MAP3K3: variants seen among roughly 807,000 people sequenced by gnomAD.
The protein encoded by MAP3K3 is MAP/ERK kinase kinase 3.
A neutral mutation model predicts 80.9 loss-of-function variants in MAP3K3; 12 were observed. The observed-to-expected ratio is 0.15, with a 90% confidence interval of 0.10 to 0.24. The LOEUF is 0.24. Ranked by LOEUF, MAP3K3 falls within the 10% of genes least tolerant of loss-of-function variation. The probability of loss-of-function intolerance (pLI) is 1.00; values close to 1 mark genes in which losing one functional copy is unlikely to be tolerated. For missense variants in MAP3K3, 596 were observed against 834.7 expected (o/e 0.71, Z 3.52); for synonymous variants, 272 against 307.1 (o/e 0.89, Z 1.19).
At chr17:63,657,169 G>T (rs962270239) in intron 4 of MAP3K3, among the ~76,000 whole-genome samples, 8 of 151,892 alleles carry the variant, frequency 5.3e-5, no homozygotes, top group Non-Finnish European at 1.2e-4. Flanking sequence ...AGCACAATTG[G>T]CAGTAGAGTG....
At chr17:63,634,555 G>A (rs1598063269) in intron 2 of MAP3K3, among the ~76,000 whole-genome samples, 1 of 152,160 alleles carries the variant, frequency 6.6e-6, no homozygotes, top group Admixed American at 6.5e-5. Flanking sequence ...GAAGTCAGTG[G>A]TTATGAAGGC....
In MAP3K3 at chr17:63,653,969, C is replaced by G. The variant is rs541094873; in HGVS notation, c.267+1313C>G. On this transcript the variant is annotated intron_variant, in intron 4 of 15. Coordinates refer to ENST00000361733, the MANE Select transcript of MAP3K3 (RefSeq NM_002401.5). The stretch of plus-strand genomic sequence containing the variant: ...GCAGCCTTGACCTCCTGCGCTCAAG[C>G]GATTCCCCCACCTCAGCCACCCAAG... Among the ~76,000 whole-genome samples, 4 of 152,250 alleles carry G rather than the reference C, an allele frequency of 2.6e-5. No homozygotes were observed. The South Asian group carries it at 8.3e-4, about 32-fold the overall frequency.
At chr17:63,684,210 AAAG>A (rs1229041208) in intron 7 of MAP3K3, among the ~76,000 whole-genome samples, 1 of 152,110 alleles carries the variant, frequency 6.6e-6, no homozygotes, top group African/African-American at 2.4e-5. Context: ...TTCTAACCAT[AAAG>A]AACGTCATTT....
chr17:63,635,798 A>G (rs1202875855), intron 2 of MAP3K3, among the ~76,000 whole-genome samples: 4 of 152,222 alleles, frequency 2.6e-5, no homozygotes, highest in Non-Finnish European at 4.4e-5. Flanking sequence ...CTTCTGCCAG[A>G]AAGTCCATGC....
At chr17:63,642,233 C>T (rs2034457279) in intron 2 of MAP3K3, among the ~76,000 whole-genome samples, 1 of 152,124 alleles carries the variant, frequency 6.6e-6, no homozygotes, top group South Asian at 2.1e-4. Context: ...TGGTTTGGAA[C>T]AAAAGTTTAA....
In MAP3K3 at chr17:63,691,077, AGGC is replaced by A; in HGVS notation, c.1213-23_1213-21del. Reference sequence around the variant, plus strand: ...GGCAGAACTAGGGCCCTGAGAGCTGAGGCGACCACTGACCCCTCCCCTAGGAGG... The same window carrying A: ...GGCAGAACTAGGGCCCTGAGAGCTGAGACCACTGACCCCTCCCCTAGGAGG... On this transcript the variant is annotated intron_variant, in intron 12 of 15. Coordinates refer to ENST00000361733, the MANE Select transcript of MAP3K3 (RefSeq NM_002401.5). The surrounding 1 kb of genome is among the most constrained non-coding windows in gnomAD (Gnocchi z 4.8). The A allele has an allele frequency of 1.9e-6, 3 of 1,613,380 alleles. No homozygotes were observed. Among genetic ancestry groups the A allele is most frequent in the Non-Finnish European group, 2.5e-6 (3 of 1,179,830 alleles).
At chr17:63,668,448 C>T (rs2035041113) in intron 6 of MAP3K3, 1 of 152,258 alleles carries the variant, frequency 6.6e-6, no homozygotes, top group African/African-American at 2.4e-5. Context: ...AGCCTAGCCA[C>T]AGCGTCTCTG....
chr17:63,623,078 G>T (rs1474621215), intron 1 of MAP3K3, among the ~76,000 whole-genome samples: 1 of 151,924 alleles, frequency 6.6e-6, no homozygotes, highest in East Asian at 1.9e-4. Flanking sequence ...TGGTCCGAAC[G>T]AGCCGGACCG....
At chr17:63,654,300 G>A (rs1368297449) in intron 4 of MAP3K3, among the ~76,000 whole-genome samples, 6 of 92,628 alleles carry the variant, frequency 6.5e-5, no homozygotes, top group Non-Finnish European at 1.2e-4. Context: ...TGAACATTTC[G>A]TGTAGTGCAA....
intron 2 of MAP3K3, among the ~76,000 whole-genome samples, chr17:63,640,410 T>C (rs1361995226): frequency 2.0e-5 from 3 of 152,174 alleles, no homozygotes; most frequent in Non-Finnish European, 4.4e-5. Flanking sequence ...GTGTGAGGTA[T>C]GTGTATGTGT....
intron 8 of MAP3K3, chr17:63,688,133 C>A: frequency 3.7e-6 from 1 of 269,204 alleles, no homozygotes; most frequent in South Asian, 4.3e-5. Context: ...TGAGAAAAAC[C>A]TCACTTTAGA....
chr17:63,655,783 G>T (rs1248839076), intron 4 of MAP3K3, among the ~76,000 whole-genome samples: 1 of 151,994 alleles, frequency 6.6e-6, no homozygotes, highest in Admixed American at 6.6e-5. Context: ...ACTATCCCCA[G>T]CCTACTTGGT....
intron 5 of MAP3K3, among the ~76,000 whole-genome samples, 179 bp from the exon 6 acceptor site, chr17:63,666,761 G>A (rs547683975): frequency 5.1e-4 from 78 of 152,320 alleles, no homozygotes; most frequent in Middle Eastern, 6.8e-3. Flanking sequence ...TACATTGAGC[G>A]AATAGTGGTT....
At chr17:63,690,527 A>ACCGAG in intron 12 of MAP3K3, 115 bp downstream of exon 12, 1 of 1,170,976 alleles carries the variant, frequency 8.5e-7, no homozygotes, top group Non-Finnish European at 1.2e-6. Flanking sequence ...CATTCTTCCC[A>ACCGAG]AACTCCCTTT....
chr17:63,633,487 TATTA>T (rs1441036823), intron 2 of MAP3K3, among the ~76,000 whole-genome samples: 2 of 152,216 alleles, frequency 1.3e-5, no homozygotes, highest in Non-Finnish European at 1.5e-5. Flanking sequence ...AAGGTAAATT[TATTA>T]ATTAAAATGT....
intron 4 of MAP3K3, among the ~76,000 whole-genome samples, chr17:63,657,125 C>T (rs1189089698): frequency 6.6e-6 from 1 of 152,032 alleles, no homozygotes; most frequent in Non-Finnish European, 1.5e-5. Context: ...CCCTCCACCC[C>T]TTCTCTTCCT....
chr17:63,664,312 T>A (rs1408901645), intron 5 of MAP3K3, among the ~76,000 whole-genome samples: 1 of 151,034 alleles, frequency 6.6e-6, no homozygotes, highest in Non-Finnish European at 1.5e-5. Context: ...GTAAATTTAA[T>A]TAAATCACCT....
chr17:63,688,304 TG>T, intron 8 of MAP3K3: 1 of 581,782 alleles, frequency 1.7e-6, no homozygotes, highest in African/African-American at 1.9e-5. Flanking sequence ...TTGGGTCAGA[TG>T]GGGGAGATTT....
intron 12 of MAP3K3, 35 bp downstream of exon 12, chr17:63,690,447 C>G (rs960120271): frequency 1.0e-5 from 16 of 1,600,848 alleles, no homozygotes; most frequent in Non-Finnish European, 1.4e-5. Context: ...TCAGTTCCCT[C>G]CTTTCAACAA....
Sources: allele counts gnomAD v4.1 joint callset (sites outside exome capture counted in the v4.1 genomes callset), GRCh38; gene constraint gnomAD v4.1.1; non-coding constraint Gnocchi (gnomAD v3.1); transcripts MANE v1.5; gene names NCBI Gene and HGNC (gene_info 2026-07-23, HGNC 2026-07-21).